SLIT3: variants seen among roughly 807,000 people sequenced by gnomAD.
The protein encoded by SLIT3 is slit guidance ligand 3, also known as slit homolog 3 protein.
SLIT3 carries 68 observed loss-of-function variants against 184.0 expected under a neutral mutation model. That is an observed-to-expected ratio of 0.37 (90% CI 0.30 to 0.45). The LOEUF (loss-of-function observed/expected upper bound fraction) is 0.45, where lower values mean the gene tolerates loss of function less well. Among genes scored for constraint, SLIT3 ranks in the 20% least tolerant of loss-of-function variants. The probability of loss-of-function intolerance (pLI) is 1.00; values close to 1 mark genes in which losing one functional copy is unlikely to be tolerated. For synonymous variants in SLIT3, 831 were observed against 828.6 expected, an observed-to-expected ratio of 1.00 and a Z score of -0.05; for missense variants, 1,707 against 2,026.0, an observed-to-expected ratio of 0.84 and a Z score of 3.02.
chr5:168,709,426 A>G (rs974842876), intron 25 of SLIT3, among the ~76,000 whole-genome samples: 39 of 152,072 alleles, frequency 2.6e-4, no homozygotes, highest in Non-Finnish European at 5.4e-4. Flanking sequence ...AAGTCCCCAC[A>G]CCCAGGTTGT....
intron 4 of SLIT3, among the ~76,000 whole-genome samples, chr5:169,182,629 G>C (rs375908727): frequency 6.6e-6 from 1 of 152,202 alleles, no homozygotes; most frequent in South Asian, 2.1e-4. Context: ...TGTTTCTGTT[G>C]ATGCTGAATG....
chr5:169,224,038 G>T (rs1764709740), intron 3 of SLIT3, among the ~76,000 whole-genome samples: 1 of 152,174 alleles, frequency 6.6e-6, no homozygotes, highest in South Asian at 2.1e-4. Context: ...AGATACATCG[G>T]ATTAGGAAAT....
chr5:168,833,044 T>C (rs146019734), intron 6 of SLIT3, among the ~76,000 whole-genome samples: 7 of 152,362 alleles, frequency 4.6e-5, no homozygotes, highest in African/African-American at 1.7e-4. Context: ...TATCTTTAAA[T>C]GATTGTAAAT....
intron 4 of SLIT3, among the ~76,000 whole-genome samples, chr5:168,998,465 G>C (rs1018347982): frequency 6.6e-6 from 1 of 152,136 alleles, no homozygotes; most frequent in African/African-American, 2.4e-5. Context: ...CAGCATTTTG[G>C]GAGGCTGAGG....
chr5:169,259,972 C>T (rs1413519798), intron 1 of SLIT3, among the ~76,000 whole-genome samples: 1 of 152,070 alleles, frequency 6.6e-6, no homozygotes, highest in Non-Finnish European at 1.5e-5. Context: ...AGCAGGAAGT[C>T]AGAGAGAAGA....
chr5:168,967,633 G>C (rs192482027), intron 4 of SLIT3, among the ~76,000 whole-genome samples: 3,550 of 139,498 alleles, frequency 0.025, 185 homozygotes, highest in African/African-American at 0.085. Flanking sequence ...GTAGAGACGG[G>C]GTTTCACCGT....
At chr5:169,098,827 T>C (rs1038778627) in intron 4 of SLIT3, among the ~76,000 whole-genome samples, 6 of 152,126 alleles carry the variant, frequency 3.9e-5, no homozygotes, top group Admixed American at 6.6e-5. Context: ...TGTACTTTTC[T>C]CTCCCAAAGG....
intron 4 of SLIT3, among the ~76,000 whole-genome samples, chr5:169,136,601 C>T (rs114210511): frequency 6.6e-6 from 1 of 152,222 alleles, no homozygotes; most frequent in African/African-American, 2.4e-5. Flanking sequence ...AAACTGCTAA[C>T]CTGACCATCA....
At chr5:168,975,538 T>C (rs902822694) in intron 4 of SLIT3, among the ~76,000 whole-genome samples, 2 of 151,818 alleles carry the variant, frequency 1.3e-5, no homozygotes, top group Admixed American at 6.5e-5. Flanking sequence ...GGCACGTATC[T>C]ATATACCTAC....
chr5:169,103,472 A>C (rs191343033), intron 4 of SLIT3, among the ~76,000 whole-genome samples: 12 of 152,178 alleles, frequency 7.9e-5, no homozygotes, highest in Non-Finnish European at 4.4e-5. Flanking sequence ...TGAAAAGTCA[A>C]CTCTGCCTGG....
At chr5:169,251,548 G>T in intron 1 of SLIT3, 89 bp from the exon 2 acceptor site, 1 of 884,788 alleles carries the variant, frequency 1.1e-6, no homozygotes, top group Non-Finnish European at 1.9e-6. Flanking sequence ...AAGGGATGTT[G>T]CTTGTCCAGA....
At chr5:169,106,049 T>TGG (rs199794448) in intron 4 of SLIT3, among the ~76,000 whole-genome samples, 1 of 138,706 alleles carries the variant, frequency 7.2e-6, no homozygotes, top group Non-Finnish European at 1.6e-5. Flanking sequence ...TGGAGCCTGT[T>TGG]GGGGGGGCAG....
chr5:169,161,513 T>C (rs1190763069), intron 4 of SLIT3, among the ~76,000 whole-genome samples: 1 of 152,136 alleles, frequency 6.6e-6, no homozygotes, highest in Non-Finnish European at 1.5e-5. Flanking sequence ...GAAGGCCTCT[T>C]TAAAGCACCG....
intron 20 of SLIT3, among the ~76,000 whole-genome samples, chr5:168,742,818 C>T (rs925479635): frequency 1.3e-5 from 2 of 149,726 alleles, no homozygotes; most frequent in African/African-American, 5.0e-5. Flanking sequence ...CTGGAAGATA[C>T]CGGGCTCTAG....
chr5:169,257,843 C>A (rs1321360105), intron 1 of SLIT3, among the ~76,000 whole-genome samples: 2 of 152,082 alleles, frequency 1.3e-5, no homozygotes, highest in Non-Finnish European at 2.9e-5. Flanking sequence ...GCATGAGCCA[C>A]CATGCCCAGC....
chr5:168,873,546 C>T (rs1013562626), intron 5 of SLIT3, among the ~76,000 whole-genome samples: 2 of 152,032 alleles, frequency 1.3e-5, no homozygotes, highest in African/African-American at 4.8e-5. Flanking sequence ...CAGAAGATCG[C>T]TTGAGCCCAG....
intron 4 of SLIT3, among the ~76,000 whole-genome samples, chr5:169,115,721 A>G (rs1251886304): frequency 6.6e-6 from 1 of 152,224 alleles, no homozygotes; most frequent in East Asian, 1.9e-4. Flanking sequence ...TTTAATCCTT[A>G]CAAGTATTTG....
intron 6 of SLIT3, 94 bp from the exon 7 acceptor site, chr5:168,823,425 G>A (rs909119117): frequency 1.8e-5 from 15 of 841,956 alleles, no homozygotes; most frequent in South Asian, 1.1e-4. Flanking sequence ...GGTTGTGACC[G>A]CAAGACCATG....
At chr5:169,192,146 G>A (rs949938788) in intron 4 of SLIT3, among the ~76,000 whole-genome samples, 19 of 152,170 alleles carry the variant, frequency 1.2e-4, no homozygotes, top group African/African-American at 1.9e-4. Context: ...CTGGACCCCC[G>A]GGCTGCTGAA....
Sources: allele counts gnomAD v4.1 joint callset (sites outside exome capture counted in the v4.1 genomes callset), GRCh38; gene constraint gnomAD v4.1.1; transcripts MANE v1.5; gene names NCBI Gene and HGNC (gene_info 2026-07-23, HGNC 2026-07-21).